CYTH3: variants seen among roughly 807,000 people sequenced by gnomAD.
CYTH3 encodes the protein cytohesin-3.
In CYTH3, 23 loss-of-function variants were observed where a neutral mutation model predicts 55.1. The ratio of observed to expected loss-of-function variants is 0.42; its 90% CI spans 0.30 to 0.59. The LOEUF (loss-of-function observed/expected upper bound fraction) is 0.59. Ranked by LOEUF, CYTH3 falls within the 20% of genes least tolerant of loss-of-function variation. The pLI, the probability that CYTH3 is intolerant of heterozygous loss-of-function variation, is 0.20. For synonymous variants in CYTH3, 249 were observed against 194.9 expected, an observed-to-expected ratio of 1.28 and a Z score of -2.31; for missense variants, 413 against 524.8, an observed-to-expected ratio of 0.79 and a Z score of 2.08.
chr7:6,250,500 AGACACT>A (rs1241886585), intron 1 of CYTH3, among the ~76,000 whole-genome samples: 1 of 152,208 alleles, frequency 6.6e-6, no homozygotes, highest in Non-Finnish European at 1.5e-5. Flanking sequence ...GGAGAAGCAC[AGACACT>A]GACACTGAAT....
intron 1 of CYTH3, among the ~76,000 whole-genome samples, chr7:6,202,797 T>C (rs569143726): frequency 3.3e-5 from 5 of 152,196 alleles, no homozygotes; most frequent in Non-Finnish European, 7.3e-5. Flanking sequence ...TTGAAGAAGT[T>C]TGTTATGCAG....
chr7:6,256,377 G>C (rs1780105425), intron 1 of CYTH3, among the ~76,000 whole-genome samples: 1 of 152,258 alleles, frequency 6.6e-6, no homozygotes, highest in Admixed American at 6.5e-5. Context: ...GACTAGGATA[G>C]TGGACTTCTC....
chr7:6,182,047 T>C (rs560224325), intron 4 of CYTH3, among the ~76,000 whole-genome samples: 81 of 152,276 alleles, frequency 5.3e-4, no homozygotes, highest in Non-Finnish European at 9.6e-4. Context: ...TCTGTTTTTA[T>C]TTTGTTTTGT....
chr7:6,259,794 T>TATATA (rs1554255120), intron 1 of CYTH3, among the ~76,000 whole-genome samples: 25 of 18,046 alleles, frequency 1.4e-3, no homozygotes, highest in Non-Finnish European at 1.7e-3. Flanking sequence ...AATATATATA[T>TATATA]ATATATATAT....
chr7:6,164,719 C>A lies in CYTH3; in HGVS notation c.*225G>T. The A allele has an allele frequency of 1.6e-6, 1 of 618,650 alleles. No individual in the cohort carries two copies. Among genetic ancestry groups the A allele is most frequent in the Admixed American group, 2.8e-5 (1 of 35,640 alleles). 38.3% of individuals were successfully genotyped at this position (618,650 alleles called of 1,614,324 possible). A position where few individuals can be genotyped will look rare whatever the true frequency, so the allele number is the denominator to read the frequency against. On this transcript the variant is annotated 3_prime_UTR_variant, in exon 13 of 13. Coordinates refer to ENST00000350796, the MANE Select transcript of CYTH3 (RefSeq NM_004227.4). The stretch of plus-strand genomic sequence containing the variant: ...GGAGGCCTCGAGGATCAGTCTGGGC[C>A]ACGGTACGCTCTGGAGCAGCAGCTT...
At position 6,272,002 on chromosome 7, in the gene CYTH3, A is replaced by G. The variant is rs114619118; in HGVS notation, c.34+472T>C. ...TTTCCCCTGCCCTCCCGTCCTGTAC[A>G]CTCGAGGAGCCTCCAGTGCAAAACT... On this transcript the variant is annotated intron_variant, in intron 1 of 12. Transcript: ENST00000350796. Among the ~76,000 whole-genome samples the G allele has an allele frequency of 3.4e-3, 520 of 151,962 alleles. 5 individuals are homozygous for G. The highest frequency in any genetic ancestry group is 0.011 in the African/African-American group (470 of 41,434).
At chr7:6,212,016 C>G (rs1784329427) in intron 1 of CYTH3, among the ~76,000 whole-genome samples, 3 of 151,868 alleles carry the variant, frequency 2.0e-5, no homozygotes, top group Admixed American at 1.3e-4. Flanking sequence ...ATAAAAAATA[C>G]TAGGGTCTTA....
chr7:6,168,220 T>TG (rs200228083), intron 9 of CYTH3, among the ~76,000 whole-genome samples: 7 of 91,676 alleles, frequency 7.6e-5, no homozygotes, highest in Non-Finnish European at 1.2e-4. Flanking sequence ...CCTCCTAGGA[T>TG]TTTTTTTTTT....
At chr7:6,219,747 G>A (rs185149426) in intron 1 of CYTH3, among the ~76,000 whole-genome samples, 301 of 152,016 alleles carry the variant, frequency 2.0e-3, no homozygotes, top group Middle Eastern at 3.4e-3. Context: ...CCACTAGCTT[G>A]GAATGAAAAA....
At chr7:6,269,316 T>C (rs931477793) in intron 1 of CYTH3, among the ~76,000 whole-genome samples, 3 of 152,338 alleles carry the variant, frequency 2.0e-5, no homozygotes, top group African/African-American at 7.2e-5. Flanking sequence ...TTTGTATACT[T>C]GGGGGTTATC....
Position 6,171,002 on chromosome 7 carries a change from G to A in CYTH3, c.563-24C>T. Reference sequence around the variant, plus strand: ...GTCTGCAACGAGTCCGGGGTGCTGGGCTCAGCCAGAACCTCCAGTGGACAG... The same window carrying A: ...GTCTGCAACGAGTCCGGGGTGCTGGACTCAGCCAGAACCTCCAGTGGACAG... On this transcript the variant is annotated intron_variant, in intron 7 of 12. Coordinates refer to ENST00000350796, the MANE Select transcript of CYTH3 (RefSeq NM_004227.4). This position sits in a 1 kb window ranked among gnomAD's most constrained non-coding sequence, Gnocchi z 6.7. 1 of 1,612,738 alleles carries A rather than the reference G, an allele frequency of 6.2e-7. No homozygotes were observed.
chr7:6,183,829 C>T (rs913470133), intron 4 of CYTH3, among the ~76,000 whole-genome samples: 2 of 151,424 alleles, frequency 1.3e-5, no homozygotes, highest in African/African-American at 4.9e-5. Flanking sequence ...ACATGAGGTC[C>T]TGGCCTCATG....
intron 1 of CYTH3, among the ~76,000 whole-genome samples, chr7:6,254,610 G>A (rs1041199242): frequency 2.6e-5 from 4 of 152,264 alleles, no homozygotes; most frequent in South Asian, 2.1e-4. Context: ...CACAATGCTC[G>A]GCTAATTTTT....
chr7:6,233,523 G>A (rs1215997771), intron 1 of CYTH3, among the ~76,000 whole-genome samples: 1 of 152,002 alleles, frequency 6.6e-6, no homozygotes, highest in Non-Finnish European at 1.5e-5. Context: ...GGGCGTGGTG[G>A]TGGGCACCTG....
At chr7:6,184,891 T>C (rs1205834725) in intron 4 of CYTH3, among the ~76,000 whole-genome samples, 1 of 152,198 alleles carries the variant, frequency 6.6e-6, no homozygotes, top group East Asian at 1.9e-4. Flanking sequence ...GTAGCATCCC[T>C]TTAAAAAATA....
chr7:6,209,424 T>G (rs1174129379), intron 1 of CYTH3, among the ~76,000 whole-genome samples: 1 of 152,126 alleles, frequency 6.6e-6, no homozygotes, highest in East Asian at 1.9e-4. Context: ...CAGAGTAAAA[T>G]AAACAACTTC....
intron 1 of CYTH3, among the ~76,000 whole-genome samples, chr7:6,260,237 C>T (rs888098874): frequency 5.3e-5 from 8 of 152,026 alleles, no homozygotes; most frequent in African/African-American, 1.9e-4. Context: ...AGCTGACAAA[C>T]CCGCTTTTTA....
chr7:6,248,029 C>T (rs1229810235), intron 1 of CYTH3, among the ~76,000 whole-genome samples: 1 of 151,922 alleles, frequency 6.6e-6, no homozygotes, highest in Non-Finnish European at 1.5e-5. Flanking sequence ...CATCTTTCAA[C>T]CACTTATTTG....
intron 1 of CYTH3, among the ~76,000 whole-genome samples, chr7:6,245,642 C>T (rs1779793525): frequency 1.3e-5 from 2 of 152,214 alleles, no homozygotes; most frequent in South Asian, 2.1e-4. Flanking sequence ...TGGCAGCTCA[C>T]GCCTGTAATT....
Sources: gnomAD v4.1 joint callset for allele counts (sites outside exome capture counted in the v4.1 genomes callset) on GRCh38, gnomAD v4.1.1 for gene constraint, Gnocchi (gnomAD v3.1) non-coding constraint, MANE v1.5 for transcripts, NCBI Gene and HGNC (gene_info 2026-07-23, HGNC 2026-07-21) for gene names.